Variants in PLEKHA5 observed in about 807,000 individuals in gnomAD.
PLEKHA5 encodes pleckstrin homology domain-containing family A member 5.
A neutral mutation model predicts 181.9 loss-of-function variants in PLEKHA5; 55 were observed. The observed-to-expected ratio is 0.30, with a 90% CI of 0.24 to 0.38. PLEKHA5 has a LOEUF of 0.38. Among genes scored for constraint, PLEKHA5 ranks in the 10% least tolerant of loss-of-function variants. The probability of loss-of-function intolerance (pLI) is 1.00; values close to 1 mark genes in which losing one functional copy is unlikely to be tolerated. For missense variants in PLEKHA5, 1,432 were observed against 1,549.5 expected, an observed-to-expected ratio of 0.92 and a Z score of 1.27; for synonymous variants, 535 against 529.4, an observed-to-expected ratio of 1.01 and a Z score of -0.15.
At chr12:19,351,973 G>A (rs1289959022) in intron 25 of PLEKHA5, among the ~76,000 whole-genome samples, 2 of 151,864 alleles carry the variant, frequency 1.3e-5, no homozygotes, top group African/African-American at 2.4e-5. Flanking sequence ...TTACTCAGGA[G>A]GCTGAGGCAG....
chr12:19,206,196 T>G (rs931788366), intron 3 of PLEKHA5, among the ~76,000 whole-genome samples: 1 of 150,390 alleles, frequency 6.6e-6, no homozygotes, highest in African/African-American at 2.5e-5. Flanking sequence ...TGTTTTGTGA[T>G]TTTTTTTTAA....
At chr12:19,195,286 C>T (rs1314883427) in intron 3 of PLEKHA5, among the ~76,000 whole-genome samples, 2 of 152,140 alleles carry the variant, frequency 1.3e-5, no homozygotes, top group Non-Finnish European at 2.9e-5. Context: ...CCTCCCACAA[C>T]CCCTTTTTCC....
intron 3 of PLEKHA5, among the ~76,000 whole-genome samples, chr12:19,168,634 A>G (rs774686909): frequency 6.6e-6 from 1 of 152,186 alleles, no homozygotes; most frequent in Non-Finnish European, 1.5e-5. Flanking sequence ...CCATATATAC[A>G]CCTGCAACAT....
rs117592111 is a variant in PLEKHA5, at chr12:19,177,800, A to G, written c.227+45350A>G. On this transcript the variant is annotated intron_variant, in intron 3 of 31. Transcript: ENST00000429027. ...AATTTATAGGTGCATTTTTAATTCT[A>G]CGGATCAGTAAGAGGTGATTTCCCT... Among the ~76,000 whole-genome samples, 265 of 152,292 alleles carry G rather than the reference A, an allele frequency of 1.7e-3. 3 individuals carry two copies. In the East Asian group the frequency reaches 0.026, roughly 15 times the overall value.
At chr12:19,141,895 A>G (rs926596074) in intron 3 of PLEKHA5, among the ~76,000 whole-genome samples, 1 of 152,174 alleles carries the variant, frequency 6.6e-6, no homozygotes, top group Non-Finnish European at 1.5e-5. Context: ...AATATTGCCA[A>G]TGCTTGCTTG....
chr12:19,266,621 T>A (rs1004773938), intron 8 of PLEKHA5, among the ~76,000 whole-genome samples: 4 of 151,916 alleles, frequency 2.6e-5, no homozygotes, highest in African/African-American at 9.7e-5. Flanking sequence ...CCGACTCTAC[T>A]AAAATTACAA....
chr12:19,228,526 G>A (rs4485162), intron 3 of PLEKHA5, among the ~76,000 whole-genome samples: 6 of 152,042 alleles, frequency 3.9e-5, no homozygotes, highest in African/African-American at 1.5e-4. Flanking sequence ...TGTAAGTCTT[G>A]TAATGTTTTC....
intron 8 of PLEKHA5, among the ~76,000 whole-genome samples, chr12:19,266,972 G>A (rs2070678908): frequency 6.6e-6 from 1 of 152,114 alleles, no homozygotes; most frequent in African/African-American, 2.4e-5. Flanking sequence ...GAAATCTGCT[G>A]TTATTAAATC....
At chr12:19,358,647 G>C (rs1176866155) in intron 27 of PLEKHA5, among the ~76,000 whole-genome samples, 2 of 152,136 alleles carry the variant, frequency 1.3e-5, no homozygotes, top group African/African-American at 4.8e-5. Flanking sequence ...CATGTTGGAT[G>C]CCCGTGGACT....
intron 16 of PLEKHA5, chr12:19,319,681 C>G (rs1012387504): frequency 3.0e-4 from 52 of 172,144 alleles, no homozygotes; most frequent in African/African-American, 1.2e-3. Flanking sequence ...ATATAAAAAT[C>G]AAAAGACAAG....
intron 24 of PLEKHA5, among the ~76,000 whole-genome samples, chr12:19,347,471 T>C (rs892347170): frequency 6.6e-6 from 1 of 152,108 alleles, no homozygotes; most frequent in Non-Finnish European, 1.5e-5. Flanking sequence ...GTATTTTAGA[T>C]ATACCATTTT....
chr12:19,322,424 GT>G, intron 19 of PLEKHA5, 34 bp downstream of exon 19: 1 of 1,572,840 alleles, frequency 6.4e-7, no homozygotes, highest in Non-Finnish European at 8.8e-7. Flanking sequence ...TACAATTGAT[GT>G]TACTTAATAT....
chr12:19,328,656 A>G (rs1315525286), intron 20 of PLEKHA5, among the ~76,000 whole-genome samples: 1 of 151,996 alleles, frequency 6.6e-6, no homozygotes, highest in East Asian at 1.9e-4. Flanking sequence ...ATTGGTGTAT[A>G]GAAATGCCAG....
At chr12:19,133,333 A>G (rs1338482065) in intron 3 of PLEKHA5, among the ~76,000 whole-genome samples, 3 of 151,922 alleles carry the variant, frequency 2.0e-5, no homozygotes, top group African/African-American at 7.2e-5. Context: ...TAATCCCCCA[A>G]CGAAAAATAT....
intron 3 of PLEKHA5, chr12:19,243,318 A>G (rs976165605): frequency 1.3e-5 from 2 of 152,264 alleles, no homozygotes; most frequent in East Asian, 3.8e-4. Flanking sequence ...TACTTGGAGT[A>G]TGACTTCTGG....
rs576962744 is a variant in PLEKHA5, at chr12:19,166,298, C to T, written c.227+33848C>T. Among the ~76,000 whole-genome samples, 4 of 152,290 alleles carry T rather than the reference C, an allele frequency of 2.6e-5. No homozygotes were observed. In the South Asian group the frequency reaches 8.3e-4, roughly 32 times the overall value. ...TCTGACTTTTTCCATGTAATATTGA[C>T]GTCATCGAAACATACTGTAGTTATT... On this transcript the variant is annotated intron_variant, in intron 3 of 31. Coordinates refer to ENST00000429027, the MANE Select transcript of PLEKHA5 (RefSeq NM_001256470.2).
intron 29 of PLEKHA5, among the ~76,000 whole-genome samples, chr12:19,363,456 C>T (rs2095326141): frequency 6.6e-6 from 1 of 150,978 alleles, no homozygotes; most frequent in Non-Finnish European, 1.5e-5. Context: ...CGTGAGCCAT[C>T]GTGCCTGGCC....
intron 20 of PLEKHA5, among the ~76,000 whole-genome samples, chr12:19,325,425 C>A (rs1179190962): frequency 2.0e-5 from 3 of 151,978 alleles, no homozygotes; most frequent in African/African-American, 7.2e-5. Context: ...CATGGTGGCT[C>A]ACGCCTGTAA....
intron 20 of PLEKHA5, among the ~76,000 whole-genome samples, chr12:19,328,636 CT>C (rs548485184): frequency 7.1e-4 from 107 of 150,050 alleles, no homozygotes; most frequent in African/African-American, 2.5e-3. Context: ...TGGCTCTCAG[CT>C]TGAACATTAT....
Sources: allele counts gnomAD v4.1 joint callset (sites outside exome capture counted in the v4.1 genomes callset), GRCh38; gene constraint gnomAD v4.1.1; transcripts MANE v1.5; gene names NCBI Gene and HGNC (gene_info 2026-07-23, HGNC 2026-07-21).